ZMIZ1: variants seen among roughly 807,000 people sequenced by gnomAD.
The protein encoded by ZMIZ1 is zinc finger MIZ domain-containing protein 1.
ZMIZ1 carries 17 observed loss-of-function variants against 113.9 expected under a neutral mutation model. The ratio of observed to expected loss-of-function variants is 0.15; its 90% CI spans 0.10 to 0.22. The LOEUF is 0.22. Ranked by LOEUF, ZMIZ1 falls within the 10% of genes least tolerant of loss-of-function variation. ZMIZ1 has a pLI of 1.00. For missense variants in ZMIZ1, 1,059 were observed against 1,477.8 expected (o/e 0.72, Z 4.65); for synonymous variants, 607 against 603.1 (o/e 1.01, Z -0.09).
chr10:79,104,909 G>A (rs1289227335), intron 1 of ZMIZ1, among the ~76,000 whole-genome samples: 2 of 151,680 alleles, frequency 1.3e-5, no homozygotes, highest in African/African-American at 4.9e-5. Flanking sequence ...TTTCCTATCA[G>A]CATTGATGTG....
At chr10:79,252,729 G>A (rs189671149) in intron 7 of ZMIZ1, among the ~76,000 whole-genome samples, 9 of 152,318 alleles carry the variant, frequency 5.9e-5, no homozygotes, top group African/African-American at 1.7e-4. Context: ...GTGAGTGTGT[G>A]CAGGCATCTG....
rs1326811510 is a variant in ZMIZ1 at position 79,289,405 on chromosome 10, A to C, written c.426-370A>C. On this transcript the variant is annotated intron_variant, in intron 8 of 24. Coordinates refer to ENST00000334512, the MANE Select transcript of ZMIZ1 (RefSeq NM_020338.4). ...AGGGTAAGGTGGTTTGGGGGAGCCC[A>C]GGCTCTTCCTAAAGGGCAACGTGGA... is the stretch of plus-strand genomic sequence containing the variant. Among the ~76,000 whole-genome samples, 3 of 152,172 alleles carry C rather than the reference A, an allele frequency of 2.0e-5. No individual in the cohort carries two copies. The East Asian group carries it at 5.8e-4, about 29-fold the overall frequency.
intron 18 of ZMIZ1, among the ~76,000 whole-genome samples, chr10:79,302,850 C>T (rs1363933637): frequency 1.4e-5 from 2 of 147,374 alleles, no homozygotes; most frequent in Non-Finnish European, 3.0e-5. Context: ...CATGCCACCA[C>T]GCCCAGCTAA....
Position 79,296,886 on chromosome 10 carries a change from CT to C in ZMIZ1, c.1413+237del. 1 of 403,076 alleles carries C rather than the reference CT, an allele frequency of 2.5e-6. No individual in the cohort carries two copies. The highest frequency in any genetic ancestry group is 4.4e-6 in the Non-Finnish European group (1 of 228,434). The allele number at this position is 403,076 out of a possible 1,614,324, so 25.0% of individuals were successfully genotyped here. A position where few individuals can be genotyped will look rare whatever the true frequency, so the allele number is the denominator to read the frequency against. ...TCTCGGATGATGGTTTTTTTTTCTCCTTTTCTTATTCACGGCACTCACAAAA... is the reference window on the plus strand; with the variant it reads ...TCTCGGATGATGGTTTTTTTTTCTCCTTTCTTATTCACGGCACTCACAAAA... On this transcript the variant is annotated intron_variant, in intron 13 of 24. Transcript: ENST00000334512. The surrounding 1 kb of genome is among the most constrained non-coding windows in gnomAD (Gnocchi z 4.1).
At chr10:79,209,041 A>G (rs1348191581) in intron 6 of ZMIZ1, among the ~76,000 whole-genome samples, 2 of 152,142 alleles carry the variant, frequency 1.3e-5, no homozygotes, top group Non-Finnish European at 2.9e-5. Context: ...TCATGTCCAC[A>G]GTGAAGGCAG....
chr10:79,133,140 A>G (rs1388846664), intron 2 of ZMIZ1, among the ~76,000 whole-genome samples: 1 of 152,150 alleles, frequency 6.6e-6, no homozygotes, highest in Non-Finnish European at 1.5e-5. Flanking sequence ...CCCACCCCCT[A>G]GTACACTCTT....
chr10:79,209,325 G>A (rs538368407), intron 6 of ZMIZ1, among the ~76,000 whole-genome samples: 67 of 152,346 alleles, frequency 4.4e-4, no homozygotes, highest in African/African-American at 1.6e-3. Flanking sequence ...GCAGAGGCCA[G>A]GTCCAGAGTT....
At chr10:79,111,601 A>G (rs1023864977) in intron 1 of ZMIZ1, among the ~76,000 whole-genome samples, 1 of 152,232 alleles carries the variant, frequency 6.6e-6, no homozygotes, top group Non-Finnish European at 1.5e-5. Flanking sequence ...CACACAGGCC[A>G]GAGCCTGAGA....
intron 7 of ZMIZ1, among the ~76,000 whole-genome samples, chr10:79,234,494 T>TA (rs1459479666): frequency 6.6e-6 from 1 of 152,212 alleles, no homozygotes; most frequent in Non-Finnish European, 1.5e-5. Flanking sequence ...CCAAAGATAA[T>TA]ACATACTATG....
intron 3 of ZMIZ1, among the ~76,000 whole-genome samples, chr10:79,143,968 C>T (rs78545250): frequency 0.022 from 3,315 of 152,202 alleles, 125 homozygotes; most frequent in African/African-American, 0.075. Flanking sequence ...TCCTCTCCCT[C>T]GGGAAAGTCA....
At chr10:79,207,811 C>T (rs926854039) in intron 5 of ZMIZ1, among the ~76,000 whole-genome samples, 3 of 152,094 alleles carry the variant, frequency 2.0e-5, no homozygotes, top group African/African-American at 2.4e-5. Flanking sequence ...GGCTCCAAAG[C>T]CAGAGCTGGT....
chr10:79,125,252 C>A (rs922841581), intron 2 of ZMIZ1, among the ~76,000 whole-genome samples: 3 of 152,222 alleles, frequency 2.0e-5, no homozygotes, highest in African/African-American at 7.2e-5. Context: ...ATGGGCCTGA[C>A]CTCAGCTCAG....
intron 5 of ZMIZ1, among the ~76,000 whole-genome samples, 162 bp downstream of exon 5, chr10:79,201,854 A>G (rs970811905): frequency 4.6e-5 from 7 of 151,980 alleles, no homozygotes; most frequent in African/African-American, 1.7e-4. Flanking sequence ...CTAATGCTGG[A>G]ATCACATGCC....
rs769357333 is a variant in ZMIZ1, at chr10:79,304,136, C to A, written c.2247C>A (p.Ile749=). 2.2e-5 allele frequency: 35 copies of A among 1,614,114 alleles called. No homozygotes were observed. The highest frequency in any genetic ancestry group is 3.0e-5 in the Non-Finnish European group (35 of 1,179,964). The change falls in exon 19 of 25, where the codon ATC becomes ATA. Residue 749 remains isoleucine (I), a synonymous_variant. Transcript: ENST00000334512. ...SLKCPITFRR[I]QLPARGHDCK... is the part of the protein sequence containing the mutation. ...AGTGCCCCATCACATTCCGGCGCATCCAGCTGCCTGCTCGAGGACACGATT... is the reference window on the plus strand; with the variant it reads ...AGTGCCCCATCACATTCCGGCGCATACAGCTGCCTGCTCGAGGACACGATT...
At chr10:79,265,861 C>T (rs11002901) in intron 7 of ZMIZ1, among the ~76,000 whole-genome samples, 9,578 of 152,216 alleles carry the variant, frequency 0.063, 601 homozygotes, top group East Asian at 0.2. Flanking sequence ...TTGACCTCAG[C>T]GAATCCACTC....
chr10:79,114,654 G>C (rs1242389992), intron 1 of ZMIZ1, among the ~76,000 whole-genome samples: 10 of 152,230 alleles, frequency 6.6e-5, no homozygotes, highest in Non-Finnish European at 1.5e-4. Flanking sequence ...CTGAACAGCT[G>C]TCAGCACCCC....
chr10:79,227,397 T>C (rs1283936749), intron 7 of ZMIZ1, among the ~76,000 whole-genome samples: 1 of 152,174 alleles, frequency 6.6e-6, no homozygotes, highest in Admixed American at 6.5e-5. Context: ...AGCTGTTTCA[T>C]AGAGAAGGGT....
intron 23 of ZMIZ1, among the ~76,000 whole-genome samples, chr10:79,310,489 C>T (rs542172705): frequency 3.3e-5 from 5 of 152,320 alleles, no homozygotes; most frequent in African/African-American, 4.8e-5. Context: ...TGTCTGCTCT[C>T]TGCCGCCCAG....
At chr10:79,232,624 C>T (rs1574190) in intron 7 of ZMIZ1, among the ~76,000 whole-genome samples, 46,420 of 151,964 alleles carry the variant, frequency 0.31, 7,687 homozygotes, top group Non-Finnish European at 0.39. Flanking sequence ...TGGCATTACT[C>T]CTGCTATTAT....
Sources: gnomAD v4.1 joint callset for allele counts (sites outside exome capture counted in the v4.1 genomes callset) on GRCh38, gnomAD v4.1.1 for gene constraint, Gnocchi (gnomAD v3.1) non-coding constraint, MANE v1.5 for transcripts, NCBI Gene and HGNC (gene_info 2026-07-23, HGNC 2026-07-21) for gene names.